MSI2: variants seen among roughly 807,000 people sequenced by gnomAD.
MSI2 encodes the protein musashi RNA binding protein 2.
A neutral mutation model predicts 45.6 loss-of-function variants in MSI2; 17 were observed. The ratio of observed to expected loss-of-function variants is 0.37; its 90% CI spans 0.26 to 0.56. MSI2 has a LOEUF of 0.56. MSI2 is among the 20% of genes least tolerant of loss of function. The probability of loss-of-function intolerance (pLI) is 0.77; values close to 1 mark genes in which losing one functional copy is unlikely to be tolerated. For synonymous variants in MSI2, 156 were observed against 158.2 expected, an observed-to-expected ratio of 0.99 and a Z score of 0.11; for missense variants, 293 against 444.2, an observed-to-expected ratio of 0.66 and a Z score of 3.06.
chr17:57,583,488 C>CTTTTTTTTTTTTCT (rs2088259367), intron 7 of MSI2, among the ~76,000 whole-genome samples: 1 of 98,044 alleles, frequency 1.0e-5, no homozygotes, highest in Non-Finnish European at 2.1e-5. Flanking sequence ...CCCAATGTTT[C>CTTTTTTTTTTTTCT]TTTTTTTTTT....
chr17:57,257,148 G>A lies in MSI2; in HGVS notation c.103+10G>A. On this transcript the variant is annotated intron_variant, in intron 2 of 13. Transcript: ENST00000284073. ...TGGCAGACCTCACCAGGTAAGGGAG[G>A]GAGGGGGGGACGCCTGGGTCCCCCC... is the stretch of plus-strand genomic sequence containing the variant. The A allele has an allele frequency of 6.4e-7, 1 of 1,570,930 alleles. No homozygotes were observed. The highest frequency in any genetic ancestry group is 8.7e-7 in the Non-Finnish European group (1 of 1,154,656).
intron 7 of MSI2, among the ~76,000 whole-genome samples, chr17:57,548,536 G>A (rs550958112): frequency 1.5e-4 from 23 of 152,246 alleles, no homozygotes; most frequent in South Asian, 1.5e-3. Flanking sequence ...CGCAGGCTCC[G>A]GGCCTCTAGG....
At chr17:57,523,854 A>C (rs2086644883) in intron 6 of MSI2, among the ~76,000 whole-genome samples, 1 of 152,194 alleles carries the variant, frequency 6.6e-6, no homozygotes. Context: ...TCTTCTGATT[A>C]CAAGCTTTCT....
chr17:57,685,645 C>T (rs947886794), downstream of MSI2: 2 of 152,250 alleles, frequency 1.3e-5, no homozygotes, highest in Admixed American at 6.5e-5. Context: ...AGGAGACAGT[C>T]GAAGGTGCAT....
chr17:57,586,575 G>C (rs2144396609), intron 7 of MSI2, among the ~76,000 whole-genome samples: 1 of 152,288 alleles, frequency 6.6e-6, no homozygotes, highest in African/African-American at 2.4e-5. Flanking sequence ...TTTCGCGTAA[G>C]GATTTGATTC....
In MSI2 at chr17:57,558,615, C is replaced by T. The variant is rs867211996; in HGVS notation, c.454+28891C>T. Among the ~76,000 whole-genome samples the T allele has an allele frequency of 2.0e-5, 3 of 152,316 alleles. No individual in the cohort carries two copies. In the East Asian group the frequency reaches 5.8e-4, roughly 29 times the overall value. The stretch of plus-strand genomic sequence containing the variant: ...TAAGTCACTTGCCCCAGCCCTCTGA[C>T]CTCTCTTCAGCCCAGACCAGCCCTT... On this transcript the variant is annotated intron_variant, in intron 7 of 13. Transcript: ENST00000284073.
chr17:57,637,524 C>T (rs982420137), intron 10 of MSI2, among the ~76,000 whole-genome samples: 3 of 152,186 alleles, frequency 2.0e-5, no homozygotes, highest in African/African-American at 4.8e-5. Flanking sequence ...CATAAATAAA[C>T]GGAAATGTGA....
At chr17:57,597,014 G>A (rs74783910) in intron 8 of MSI2, 64 bp downstream of exon 8, 2 of 1,217,720 alleles carry the variant, frequency 1.6e-6, no homozygotes, top group Admixed American at 1.7e-5. Context: ...ACCCAGTCTT[G>A]CAGACTGGTC....
chr17:57,540,201 A>T (rs2087012384), intron 7 of MSI2, among the ~76,000 whole-genome samples: 1 of 152,242 alleles, frequency 6.6e-6, no homozygotes, highest in Non-Finnish European at 1.5e-5. Context: ...GAGATAGTTT[A>T]TCTGTGTGAA....
intron 6 of MSI2, among the ~76,000 whole-genome samples, chr17:57,440,945 C>A (rs1004007614): frequency 1.3e-5 from 2 of 152,162 alleles, no homozygotes; most frequent in Non-Finnish European, 2.9e-5. Flanking sequence ...GAGGAGGCCT[C>A]GGGTCAGGGG....
chr17:57,572,367 C>A (rs2087901789), intron 7 of MSI2, among the ~76,000 whole-genome samples: 1 of 152,218 alleles, frequency 6.6e-6, no homozygotes, highest in African/African-American at 2.4e-5. Flanking sequence ...GCCATAGAAG[C>A]CTCTGGGATT....
At chr17:57,594,199 C>T (rs1319070896) in intron 7 of MSI2, among the ~76,000 whole-genome samples, 1 of 152,228 alleles carries the variant, frequency 6.6e-6, no homozygotes. Flanking sequence ...CTTGAAGGCA[C>T]GCTGGCCAAT....
At chr17:57,660,370 T>C (rs1303077905) in intron 11 of MSI2, among the ~76,000 whole-genome samples, 2 of 152,152 alleles carry the variant, frequency 1.3e-5, no homozygotes, top group Non-Finnish European at 2.9e-5. Flanking sequence ...ACCGAATGGC[T>C]CTTTACACGG....
chr17:57,428,986 G>T (rs866708775), intron 6 of MSI2, among the ~76,000 whole-genome samples: 11 of 152,314 alleles, frequency 7.2e-5, no homozygotes, highest in African/African-American at 2.6e-4. Context: ...GGACTCCAGA[G>T]TGCCTGGAGG....
At chr17:57,633,214 C>G in intron 10 of MSI2, 2 of 1,004,768 alleles carry the variant, frequency 2.0e-6, no homozygotes, top group Non-Finnish European at 2.4e-6. Flanking sequence ...CTTAGCCTGA[C>G]AGTGTCCTGT....
intron 5 of MSI2, among the ~76,000 whole-genome samples, chr17:57,316,127 C>T (rs1912830056): frequency 6.6e-6 from 1 of 151,644 alleles, no homozygotes; most frequent in Admixed American, 6.6e-5. Flanking sequence ...CAACCAGGTG[C>T]CCTCTTGTAC....
chr17:57,667,061 G>A (rs540081195), intron 11 of MSI2, among the ~76,000 whole-genome samples: 1 of 152,154 alleles, frequency 6.6e-6, no homozygotes, highest in Non-Finnish European at 1.5e-5. Context: ...AAAGGCTCTG[G>A]TATCACCCAA....
At position 57,677,040 on chromosome 17, in the gene MSI2, C is replaced by G; in HGVS notation, c.*12C>G. The G allele has an allele frequency of 6.2e-7, 1 of 1,613,480 alleles. No homozygotes were observed. The highest frequency in any genetic ancestry group is 1.3e-5 in the African/African-American group (1 of 75,022). On this transcript the variant is annotated 3_prime_UTR_variant, in exon 13 of 14. Transcript: ENST00000284073. Reference sequence around the variant, plus strand: ...ATGGATACCATTGAGCAGGTGCTTTCGTTGCCATCTCACTCTGAGGTATTA... The same window carrying G: ...ATGGATACCATTGAGCAGGTGCTTTGGTTGCCATCTCACTCTGAGGTATTA...
intron 9 of MSI2, among the ~76,000 whole-genome samples, chr17:57,623,631 T>C (rs1908515864): frequency 1.3e-5 from 2 of 152,216 alleles, no homozygotes; most frequent in South Asian, 2.1e-4. Flanking sequence ...GTGGGATTGA[T>C]CAGGCGTCCA....
Sources: allele counts gnomAD v4.1 joint callset (sites outside exome capture counted in the v4.1 genomes callset), GRCh38; gene constraint gnomAD v4.1.1; transcripts MANE v1.5; gene names NCBI Gene and HGNC (gene_info 2026-07-23, HGNC 2026-07-21).